GNA14: variants seen among roughly 807,000 people sequenced by gnomAD.
The protein encoded by GNA14 is guanine nucleotide-binding protein subunit alpha-14.
Under a neutral mutation model 42.0 loss-of-function variants are expected in GNA14, and 50 were observed. That is an observed-to-expected ratio of 1.19 (90% CI 0.95 to 1.51). The LOEUF (loss-of-function observed/expected upper bound fraction) is 1.51, where lower values mean the gene tolerates loss of function less well. Among genes scored for constraint, GNA14 ranks in the 40% most tolerant of loss-of-function variants. GNA14 has a pLI of 0.00. For missense variants in GNA14, 473 were observed against 446.2 expected (o/e 1.06, Z -0.54); for synonymous variants, 173 against 163.1 (o/e 1.06, Z -0.46).
intron 1 of GNA14, among the ~76,000 whole-genome samples, chr9:77,585,186 G>C (rs1307871852): frequency 2.0e-5 from 3 of 152,152 alleles, no homozygotes; most frequent in Non-Finnish European, 2.9e-5. Context: ...AGAGGGAAGA[G>C]TGCGTATGAG....
intron 1 of GNA14, among the ~76,000 whole-genome samples, chr9:77,584,322 A>C (rs1022712904): frequency 6.6e-6 from 1 of 152,236 alleles, no homozygotes; most frequent in Non-Finnish European, 1.5e-5. Context: ...GTATATGCTT[A>C]TGATTTTAAA....
chr9:77,458,146 C>T (rs1394641636), intron 2 of GNA14, among the ~76,000 whole-genome samples: 2 of 152,192 alleles, frequency 1.3e-5, no homozygotes, highest in East Asian at 1.9e-4. Context: ...ATTAACACCC[C>T]AGCCTTGCGC....
intron 1 of GNA14, among the ~76,000 whole-genome samples, chr9:77,608,674 G>A (rs1355115946): frequency 6.7e-6 from 1 of 148,662 alleles, no homozygotes; most frequent in Non-Finnish European, 1.5e-5. Context: ...GATAAAGCAT[G>A]TTCACAGCCA....
chr9:77,636,086 T>G (rs550835512), intron 1 of GNA14, among the ~76,000 whole-genome samples: 33 of 152,380 alleles, frequency 2.2e-4, no homozygotes, highest in Non-Finnish European at 3.7e-4. Flanking sequence ...CTAAATGGAT[T>G]AGAAGATAAT....
chr9:77,487,042 T>C (rs1052128267), intron 2 of GNA14, among the ~76,000 whole-genome samples: 8 of 149,140 alleles, frequency 5.4e-5, no homozygotes, highest in Admixed American at 4.0e-4. Context: ...AGGCAATATA[T>C]ATAAATTGCA....
intron 1 of GNA14, among the ~76,000 whole-genome samples, chr9:77,531,519 C>T (rs1414984936): frequency 2.0e-5 from 3 of 152,284 alleles, no homozygotes; most frequent in African/African-American, 2.4e-5. Flanking sequence ...GATACTGCCA[C>T]GTCGGTCTCT....
chr9:77,441,741 T>C (rs1056940046), intron 2 of GNA14, among the ~76,000 whole-genome samples: 1 of 152,200 alleles, frequency 6.6e-6, no homozygotes, highest in Non-Finnish European at 1.5e-5. Flanking sequence ...GAACTCTTTG[T>C]AGCATAGTAT....
intron 2 of GNA14, among the ~76,000 whole-genome samples, chr9:77,462,937 C>T (rs753358097): frequency 1.2e-4 from 19 of 152,058 alleles, no homozygotes; most frequent in Non-Finnish European, 2.8e-4. Flanking sequence ...TGTGGGGCTC[C>T]GTGCCTCTCC....
chr9:77,541,101 TTG>T (rs1400897800), intron 1 of GNA14, among the ~76,000 whole-genome samples: 1 of 152,100 alleles, frequency 6.6e-6, no homozygotes, highest in Non-Finnish European at 1.5e-5. Context: ...TCTTCCTCAT[TTG>T]TGTGTTTGGT....
At chr9:77,617,738 T>C (rs886699094) in intron 1 of GNA14, among the ~76,000 whole-genome samples, 10 of 152,064 alleles carry the variant, frequency 6.6e-5, no homozygotes, top group Non-Finnish European at 1.2e-4. Context: ...CCAAACACAA[T>C]GCGTTCCTGT....
Position 77,439,406 on chromosome 9 carries a change from A to G in GNA14, c.310-4884T>C, listed in dbSNP as rs148113065. ...GTTTTCCCACCACTTTGGGAGGCCAAGGTGGGAGGATCGCTTGAGCCTAGG... is the reference window on the plus strand; with the variant it reads ...GTTTTCCCACCACTTTGGGAGGCCAGGGTGGGAGGATCGCTTGAGCCTAGG... On this transcript the variant is annotated intron_variant, in intron 2 of 6. Transcript: ENST00000341700. Among the ~76,000 whole-genome samples the G allele has an allele frequency of 8.4e-3, 1,286 of 152,338 alleles. 25 individuals are homozygous for G. The highest frequency in any genetic ancestry group is 0.03 in the African/African-American group (1,243 of 41,578).
intron 2 of GNA14, among the ~76,000 whole-genome samples, chr9:77,478,946 G>C (rs1170192691): frequency 1.3e-5 from 2 of 152,112 alleles, no homozygotes; most frequent in Non-Finnish European, 1.5e-5. Flanking sequence ...CAGATGAGTA[G>C]GTTGAGAAAA....
intron 2 of GNA14, among the ~76,000 whole-genome samples, chr9:77,485,794 A>T (rs1016376446): frequency 2.0e-5 from 3 of 152,168 alleles, no homozygotes; most frequent in African/African-American, 7.2e-5. Context: ...TTTGAAAGGA[A>T]TCTTTTTTGC....
At chr9:77,425,808 C>G in intron 5 of GNA14, 93 bp from the exon 6 acceptor site, 4 of 970,732 alleles carry the variant, frequency 4.1e-6, no homozygotes, top group Non-Finnish European at 6.2e-6. Context: ...TCTTCCCTTG[C>G]CCCGCCGCAG....
chr9:77,509,822 G>T (rs1323972955), intron 2 of GNA14, among the ~76,000 whole-genome samples: 1 of 152,136 alleles, frequency 6.6e-6, no homozygotes, highest in Non-Finnish European at 1.5e-5. Context: ...GCAATGACAA[G>T]ATCCAGTGGA....
At chr9:77,487,557 A>G (rs1202769215) in intron 2 of GNA14, among the ~76,000 whole-genome samples, 1 of 152,222 alleles carries the variant, frequency 6.6e-6, no homozygotes, top group East Asian at 1.9e-4. Flanking sequence ...AGCTAAATCC[A>G]AGAGACATAA....
At chr9:77,476,016 C>T (rs898071814) in intron 2 of GNA14, among the ~76,000 whole-genome samples, 15 of 152,232 alleles carry the variant, frequency 9.9e-5, no homozygotes, top group African/African-American at 3.4e-4. Flanking sequence ...ACTAAATTGG[C>T]TTGGCAGAAA....
At chr9:77,462,631 G>A (rs1273932003) in intron 2 of GNA14, among the ~76,000 whole-genome samples, 3 of 149,170 alleles carry the variant, frequency 2.0e-5, no homozygotes, top group Non-Finnish European at 4.4e-5. Flanking sequence ...TGAGGCAGGA[G>A]AATCACTTCA....
intron 2 of GNA14, among the ~76,000 whole-genome samples, chr9:77,489,015 A>G (rs1037746487): frequency 6.6e-6 from 1 of 152,184 alleles, no homozygotes; most frequent in Non-Finnish European, 1.5e-5. Context: ...AAAGACACTC[A>G]GTGATCTCTA....
Sources: gnomAD v4.1 joint callset for allele counts (sites outside exome capture counted in the v4.1 genomes callset) on GRCh38, gnomAD v4.1.1 for gene constraint, MANE v1.5 for transcripts, NCBI Gene and HGNC (gene_info 2026-07-23, HGNC 2026-07-21) for gene names.